The following CCNH variants were observed in gnomAD, a reference collection of about 807,000 sequenced individuals.
CCNH encodes the protein cyclin H, also known as cyclin-H.
CCNH carries 31 observed loss-of-function variants against 41.9 expected under a neutral mutation model. The observed-to-expected ratio is 0.74, with a 90% CI of 0.56 to 1.00. The LOEUF is 1.00. Among genes scored for constraint, CCNH ranks in the 50% least tolerant of loss-of-function variants. The pLI, the probability that CCNH is intolerant of heterozygous loss-of-function variation, is 0.00. For synonymous variants in CCNH, 138 were observed against 136.1 expected, an observed-to-expected ratio of 1.01 and a Z score of -0.10; for missense variants, 362 against 388.4, an observed-to-expected ratio of 0.93 and a Z score of 0.57.
chr5:87,393,737 A>T (rs1375262776), downstream of CCNH: 1 of 152,234 alleles, frequency 6.6e-6, no homozygotes, highest in East Asian at 1.9e-4. Flanking sequence ...GAGGCAGAGG[A>T]TCACTAGAGC....
chr5:87,322,889 T>C, intron 9 of CCNH, among the ~76,000 whole-genome samples: 1 of 152,198 alleles, frequency 6.6e-6, no homozygotes, highest in East Asian at 1.9e-4. Flanking sequence ...GGAAGGATGC[T>C]GGTGTTATTA....
intron 1 of CCNH, among the ~76,000 whole-genome samples, chr5:87,412,104 G>A (rs1198337573): frequency 6.6e-6 from 1 of 152,196 alleles, no homozygotes; most frequent in East Asian, 1.9e-4. Flanking sequence ...ACGGAAATCT[G>A]ATAAGGTTAG....
At chr5:87,383,837 C>A (rs1761892380) in intron 9 of CCNH, 17 of 1,314,102 alleles carry the variant, frequency 1.3e-5, no homozygotes, top group South Asian at 2.5e-5. Context: ...CAGTTTCATA[C>A]TATTTAAGAA....
chr5:87,354,695 T>G (rs1279920338), intron 9 of CCNH, among the ~76,000 whole-genome samples: 1 of 152,162 alleles, frequency 6.6e-6, no homozygotes, highest in Non-Finnish European at 1.5e-5. Context: ...CTAGAAATGA[T>G]TAAGCTTAGG....
At position 87,411,275 on chromosome 5, in the gene CCNH, C is replaced by A. The variant is rs1764214818; in HGVS notation, c.189G>T (p.Arg63Ser). 6.8e-6 allele frequency: 11 copies of A among 1,612,774 alleles called. No individual in the cohort carries two copies. Among genetic ancestry groups the A allele is most frequent in the Non-Finnish European group, 6.8e-6 (8 of 1,179,418 alleles). Residue 63 changes from arginine (R) to serine (S), a missense_variant, in exon 2 of 9, where the codon AGG becomes AGT. Transcript: ENST00000256897. ...TAAACACCGAACAGAATTCCAATAA[C>A]CTTTTCTCATAGTATTTGCAGAGTG... The part of the protein sequence containing the change: ...EMTLCKYYEK[R>S]LLEFCSVFKP...
At chr5:87,393,352 TTA>T (rs948671955), downstream of CCNH, 2 of 152,126 alleles carry the variant, frequency 1.3e-5, no homozygotes, top group African/African-American at 4.8e-5. Flanking sequence ...TTGGTTCCAA[TTA>T]TAATAGTTAA....
At chr5:87,393,087 C>A (rs1297348144), downstream of CCNH, among the ~76,000 whole-genome samples, 11 of 149,608 alleles carry the variant, frequency 7.4e-5, no homozygotes, top group South Asian at 2.1e-4. Context: ...AAAAAAAAAA[C>A]CCACAAAACT....
rs191853622 is a variant in CCNH at position 87,409,343 on chromosome 5, G to A, written c.261C>T (p.Phe87=). 545 of 1,559,074 alleles carry A rather than the reference G, an allele frequency of 3.5e-4. 13 individuals carry two copies. The Admixed American group carries it at 9.0e-3, about 26-fold the overall frequency. Reference sequence around the variant, plus strand: ...CTGAGTTATTAAGATAAAAACGTTTGAAATACATACAAGCCGTACCCTAAG... The same window carrying A: ...CTGAGTTATTAAGATAAAAACGTTTAAAATACATACAAGCCGTACCCTAAG... The part of the protein sequence containing the change: ...RSVVGTACMY[F]KRFYLNNSVM... Residue 87 remains phenylalanine, a synonymous_variant, in exon 3 of 9, where the codon TTC becomes TTT. Transcript: ENST00000256897.
chr5:87,328,008 TAAAAA>T (rs1330676472), intron 9 of CCNH, among the ~76,000 whole-genome samples: 2 of 152,224 alleles, frequency 1.3e-5, no homozygotes, highest in African/African-American at 4.8e-5. Context: ...ATGTGGACGT[TAAAAA>T]AGAAAAGTTT....
At chr5:87,336,879 A>G (rs1758013983) in intron 9 of CCNH, among the ~76,000 whole-genome samples, 1 of 152,094 alleles carries the variant, frequency 6.6e-6, no homozygotes. Context: ...ATAGAATACA[A>G]TATTCTATGA....
upstream of CCNH, among the ~76,000 whole-genome samples, chr5:87,381,062 A>G (rs1261317407): frequency 6.6e-6 from 1 of 152,206 alleles, no homozygotes; most frequent in Non-Finnish European, 1.5e-5. Flanking sequence ...AATTAGGAAG[A>G]ACTGCTTTGG....
At chr5:87,396,599 GAC>G (rs1762983305) in intron 7 of CCNH, among the ~76,000 whole-genome samples, 1 of 152,044 alleles carries the variant, frequency 6.6e-6, no homozygotes, top group Non-Finnish European at 1.5e-5. Flanking sequence ...AAGCCTGGGT[GAC>G]ACAGCAAGAC....
At chr5:87,361,844 C>T (rs1375930021) in intron 9 of CCNH, among the ~76,000 whole-genome samples, 4 of 151,714 alleles carry the variant, frequency 2.6e-5, no homozygotes, top group Non-Finnish European at 5.9e-5. Context: ...TAGTTTTATA[C>T]ATTTTTTTTT....
chr5:87,329,507 A>C (rs1407785321), intron 9 of CCNH, among the ~76,000 whole-genome samples: 1 of 152,130 alleles, frequency 6.6e-6, no homozygotes, highest in Admixed American at 6.6e-5. Flanking sequence ...TAAAATCATA[A>C]GTTGGATATT....
chr5:87,369,701 T>C (rs564376030), intron 9 of CCNH: 69 of 762,816 alleles, frequency 9.0e-5, no homozygotes, highest in Admixed American at 2.3e-4. Flanking sequence ...TATTATTTCT[T>C]TAAGAATTAT....
chr5:87,395,015 T>TTA, intron 8 of CCNH, 29 bp downstream of exon 8: 1 of 1,611,038 alleles, frequency 6.2e-7, no homozygotes, highest in Non-Finnish European at 8.5e-7. Flanking sequence ...CAAAAATAAC[T>TTA]TAGAGTTCAT....
intron 6 of CCNH, among the ~76,000 whole-genome samples, 167 bp downstream of exon 6, chr5:87,401,531 CTTCT>C (rs1763413043): frequency 6.6e-6 from 1 of 151,972 alleles, no homozygotes; most frequent in African/African-American, 2.4e-5. Flanking sequence ...TTCTATATAC[CTTCT>C]ATTTGTTCTA....
chr5:87,321,147 TAATTTC>T (rs1756769650), intron 9 of CCNH, among the ~76,000 whole-genome samples: 1 of 152,168 alleles, frequency 6.6e-6, no homozygotes, highest in African/African-American at 2.4e-5. Flanking sequence ...AAAACGAGAA[TAATTTC>T]AATGATACTG....
exon 10 of CCNH, chr5:87,318,773 A>T (rs1756542805): frequency 6.6e-6 from 1 of 152,202 alleles, no homozygotes. Context: ...ATCTCATATT[A>T]TTCTCACATG....
Sources: allele counts gnomAD v4.1 joint callset (sites outside exome capture counted in the v4.1 genomes callset), GRCh38; gene constraint gnomAD v4.1.1; transcripts MANE v1.5; gene names NCBI Gene and HGNC (gene_info 2026-07-23, HGNC 2026-07-21).